The following KIAA1671 variants were observed in gnomAD, a reference collection of about 807,000 sequenced individuals.
The protein encoded by KIAA1671 is uncharacterized protein KIAA1671.
KIAA1671 carries 52 observed loss-of-function variants against 131.2 expected under a neutral mutation model. That is an observed-to-expected ratio of 0.40 (90% CI 0.32 to 0.50). KIAA1671 has a LOEUF of 0.50. Ranked by LOEUF, KIAA1671 falls within the 20% of genes least tolerant of loss-of-function variation. The probability of loss-of-function intolerance (pLI) is 0.73; values close to 1 mark genes in which losing one functional copy is unlikely to be tolerated. For missense variants in KIAA1671, 2,360 were observed against 2,364.2 expected (o/e 1.00, Z 0.04); for synonymous variants, 1,003 against 961.6 (o/e 1.04, Z -0.80).
At chr22:25,103,410 G>GAGC (rs752862903) in intron 6 of KIAA1671, among the ~76,000 whole-genome samples, 18 of 152,164 alleles carry the variant, frequency 1.2e-4, no homozygotes, top group Non-Finnish European at 2.5e-4. Context: ...CCAGGCTGGA[G>GAGC]GGCAGTCGTG....
Position 25,038,888 on chromosome 22 carries a change from CG to C in KIAA1671, c.1760del (p.Gly587ValfsTer79). 6.4e-7 allele frequency: 1 copy of C among 1,551,784 alleles called. No homozygotes were observed. The highest frequency in any genetic ancestry group is 8.7e-7 in the Non-Finnish European group (1 of 1,147,004). Reference protein sequence around the residue: ...SSNQDPDSCRGGSSVEAPCPS... With the variant: ...SSNQDPDSCRXGSSVEAPCPS... ...CTAACCAAGACCCCGACAGCTGTCG[CG>C]GTGGAAGCTCAGTGGAGGCCCCGTG... On this transcript the variant is annotated frameshift_variant, in exon 5 of 13. Transcript: ENST00000358431. LOFTEE classifies it high-confidence loss of function.
At chr22:25,173,756 G>T (rs1319790048) in intron 7 of KIAA1671, among the ~76,000 whole-genome samples, 2 of 152,166 alleles carry the variant, frequency 1.3e-5, no homozygotes, top group Non-Finnish European at 1.5e-5. Context: ...AGAACCAAGG[G>T]ATCCAAAATA....
Position 25,151,085 on chromosome 22 carries a change from C to T in KIAA1671, c.4531-19735C>T, listed in dbSNP as rs569771806. On this transcript the variant is annotated intron_variant, in intron 6 of 12. Transcript: ENST00000358431. ...TTCTGACCTCATGATCCGCCTGCCTCGGCCTCCCAAAGTGCTGGGATTACA... is the reference window on the plus strand; with the variant it reads ...TTCTGACCTCATGATCCGCCTGCCTTGGCCTCCCAAAGTGCTGGGATTACA... 1.1e-3 allele frequency among the ~76,000 whole-genome samples: 167 copies of T among 151,904 alleles called. 1 individual carries two copies. Among genetic ancestry groups the T allele is most frequent in the African/African-American group, 1.2e-3 (48 of 41,484 alleles).
intron 1 of KIAA1671, among the ~76,000 whole-genome samples, chr22:25,006,482 G>A (rs1295354195): frequency 2.6e-5 from 4 of 152,154 alleles, no homozygotes; most frequent in Non-Finnish European, 5.9e-5. Flanking sequence ...GGGGGCGACC[G>A]AGACAAAGAA....
chr22:25,066,171 C>T (rs1261901324), intron 6 of KIAA1671, among the ~76,000 whole-genome samples: 1 of 151,632 alleles, frequency 6.6e-6, no homozygotes, highest in Non-Finnish European at 1.5e-5. Context: ...TTTTTAAAGA[C>T]AGGGTCTGGC....
chr22:25,043,193 A>G (rs1476929921), intron 5 of KIAA1671, among the ~76,000 whole-genome samples: 3 of 152,204 alleles, frequency 2.0e-5, no homozygotes, highest in Non-Finnish European at 4.4e-5. Flanking sequence ...AGCTGTGAAG[A>G]AACCCTCACC....
At chr22:25,164,932 A>G (rs1933586720) in intron 6 of KIAA1671, among the ~76,000 whole-genome samples, 1 of 133,848 alleles carries the variant, frequency 7.5e-6, no homozygotes, top group African/African-American at 3.0e-5. Flanking sequence ...TGGGCAACAG[A>G]GTGAGACTGT....
At chr22:25,129,708 A>G (rs1225215312) in intron 6 of KIAA1671, among the ~76,000 whole-genome samples, 2 of 144,704 alleles carry the variant, frequency 1.4e-5, no homozygotes, top group Admixed American at 1.4e-4. Context: ...CCCAGGCTGG[A>G]GTGCAGTGGC....
chr22:25,170,360 C>T (rs1933804317), intron 6 of KIAA1671, among the ~76,000 whole-genome samples: 1 of 152,224 alleles, frequency 6.6e-6, no homozygotes, highest in Non-Finnish European at 1.5e-5. Context: ...AAGTTCGGTG[C>T]TCCATGGATG....
intron 6 of KIAA1671, among the ~76,000 whole-genome samples, chr22:25,130,069 C>G (rs112807934): frequency 1.7e-3 from 265 of 152,214 alleles, no homozygotes; most frequent in African/African-American, 6.2e-3. Context: ...AGTGAGATGT[C>G]AGCTCTATAA....
intron 1 of KIAA1671, among the ~76,000 whole-genome samples, chr22:24,990,143 T>TGA (rs1923762245): frequency 6.6e-6 from 1 of 151,942 alleles, no homozygotes; most frequent in East Asian, 1.9e-4. Flanking sequence ...CAGGCTGGAG[T>TGA]GAGTTGGTGT....
Position 25,177,521 on chromosome 22 carries a change from G to C in KIAA1671, c.5073G>C (p.Thr1691=). The part of the protein sequence containing the change: ...TDNTWMFKDS[T]EEKSPRKEES... ...ACACGTGGATGTTCAAAGACTCAACGGGTATGCCATGACTTCTCTCCTCCT... is the reference window on the plus strand; with the variant it reads ...ACACGTGGATGTTCAAAGACTCAACCGGTATGCCATGACTTCTCTCCTCCT... The change falls in exon 9 of 13, where the codon ACG becomes ACC. Residue 1691 remains threonine, a splice_region_variant and synonymous_variant. Transcript: ENST00000358431. 2 of 1,549,472 alleles carry C rather than the reference G, an allele frequency of 1.3e-6. 1 individual carries two copies. The highest frequency in any genetic ancestry group is 2.4e-5 in the South Asian group (2 of 83,962).
intron 6 of KIAA1671, among the ~76,000 whole-genome samples, chr22:25,144,485 G>A (rs1010060466): frequency 2.6e-5 from 4 of 152,166 alleles, no homozygotes; most frequent in African/African-American, 7.2e-5. Flanking sequence ...GCCCAGTTCA[G>A]TAAGTGACAT....
At chr22:24,956,056 A>G (rs1271155256) in intron 1 of KIAA1671, among the ~76,000 whole-genome samples, 3 of 151,772 alleles carry the variant, frequency 2.0e-5, no homozygotes, top group East Asian at 1.9e-4. Flanking sequence ...AAGAAAAAAG[A>G]AAAATCCTGG....
At chr22:25,136,946 G>A (rs2145954088) in intron 6 of KIAA1671, among the ~76,000 whole-genome samples, 1 of 152,308 alleles carries the variant, frequency 6.6e-6, no homozygotes, top group Non-Finnish European at 1.5e-5. Flanking sequence ...ATTAGGAAAT[G>A]TGAAATAGTG....
rs936035780 is a variant in KIAA1671 at position 25,194,221 on chromosome 22, A to T, written c.*1820A>T. On this transcript the variant is annotated 3_prime_UTR_variant, in exon 13 of 13. Transcript: ENST00000358431. ...CCCAAGTAGCTGGGACTACAGGTGT[A>T]TGCTACCATGACCAGCTAATTTTTA... 1 of 152,160 alleles carries T rather than the reference A, an allele frequency of 6.6e-6. No homozygotes were observed. Among genetic ancestry groups the T allele is most frequent in the Non-Finnish European group, 1.5e-5 (1 of 68,048 alleles). 9.4% of individuals were successfully genotyped at this position (152,160 alleles called of 1,614,324 possible).
chr22:25,129,961 C>G (rs1391133754), intron 6 of KIAA1671, among the ~76,000 whole-genome samples: 1 of 152,154 alleles, frequency 6.6e-6, no homozygotes, highest in African/African-American at 2.4e-5. Flanking sequence ...TATTAACAGA[C>G]AGGGTGCAGT....
intron 1 of KIAA1671, among the ~76,000 whole-genome samples, chr22:25,025,069 T>G (rs2123896398): frequency 1.5e-5 from 1 of 66,898 alleles, no homozygotes; most frequent in East Asian, 3.8e-4. Context: ...AGAGGTACAA[T>G]GTCCAAATAC....
intron 1 of KIAA1671, among the ~76,000 whole-genome samples, chr22:25,001,193 A>G (rs1262056671): frequency 6.7e-6 from 1 of 149,240 alleles, no homozygotes; most frequent in African/African-American, 2.5e-5. Context: ...GTGTGTATAT[A>G]TGTGTGTATG....
Sources: allele counts gnomAD v4.1 joint callset (sites outside exome capture counted in the v4.1 genomes callset), GRCh38; gene constraint gnomAD v4.1.1; transcripts MANE v1.5; gene names NCBI Gene and HGNC (gene_info 2026-07-23, HGNC 2026-07-21).